Variants in TENM2 observed in about 807,000 individuals in gnomAD.
The protein encoded by TENM2 is teneurin-2.
In TENM2, 52 loss-of-function variants were observed where a neutral mutation model predicts 245.2. That is an observed-to-expected ratio of 0.21 (90% CI 0.17 to 0.27). The LOEUF is 0.27. TENM2 is among the 10% of genes least tolerant of loss of function. The pLI is 1.00. For missense variants in TENM2, 3,046 were observed against 3,666.8 expected (o/e 0.83, Z 4.37); for synonymous variants, 1,363 against 1,438.9 (o/e 0.95, Z 1.19).
At chr5:168,263,045 A>C, downstream of TENM2, 3 of 478,606 alleles carry the variant, frequency 6.3e-6, no homozygotes, top group Admixed American at 3.6e-5. Context: ...AAACAAACGA[A>C]TGAATGAACA....
chr5:168,136,019 G>A lies in TENM2; in HGVS notation c.2422+9053G>A, dbSNP rs555966603. Among the ~76,000 whole-genome samples, 36 of 152,214 alleles carry A rather than the reference G, an allele frequency of 2.4e-4. No individual in the cohort carries two copies. The South Asian group carries it at 2.9e-3, about 12-fold the overall frequency. ...TGGCATTCCTTTCTGTTCTGAGATCGCTGATGATGTGGTTGACTCCCCTTG... is the reference window on the plus strand; with the variant it reads ...TGGCATTCCTTTCTGTTCTGAGATCACTGATGATGTGGTTGACTCCCCTTG... On this transcript the variant is annotated intron_variant, in intron 12 of 28. Transcript: ENST00000518659.
intron 1 of TENM2, among the ~76,000 whole-genome samples, chr5:167,323,888 G>C (rs773469406): frequency 1.3e-5 from 2 of 152,122 alleles, no homozygotes; most frequent in East Asian, 1.9e-4. Flanking sequence ...CCTCCCCAAG[G>C]CTTACTGAAT....
chr5:167,666,597 G>A (rs1181901033), intron 2 of TENM2, among the ~76,000 whole-genome samples: 1 of 152,036 alleles, frequency 6.6e-6, no homozygotes, highest in Non-Finnish European at 1.5e-5. Flanking sequence ...GATCACTCAA[G>A]GACAGTACTT....
chr5:167,500,073 TGTGA>T (rs1325598305), intron 2 of TENM2, among the ~76,000 whole-genome samples: 2 of 151,352 alleles, frequency 1.3e-5, no homozygotes, highest in East Asian at 1.9e-4. Flanking sequence ...TGTGTGTGTG[TGTGA>T]GTGTGTGTGT....
the TENM2 span, among the ~76,000 whole-genome samples, chr5:167,137,688 C>T: frequency 2.0e-5 from 3 of 152,140 alleles, no homozygotes; most frequent in East Asian, 3.9e-4. Flanking sequence ...ATCCCTTTTC[C>T]TTTCTGAATG....
chr5:167,022,850 G>A, the TENM2 span, among the ~76,000 whole-genome samples: 20 of 152,096 alleles, frequency 1.3e-4, no homozygotes, highest in African/African-American at 3.6e-4. Flanking sequence ...GATCCTCACT[G>A]TAATGGCTAC....
intron 3 of TENM2, among the ~76,000 whole-genome samples, chr5:167,891,908 C>T (rs1026496810): frequency 4.6e-5 from 7 of 152,170 alleles, no homozygotes; most frequent in African/African-American, 1.4e-4. Context: ...GCATGAGATC[C>T]TCTTTTCCAG....
the TENM2 span, among the ~76,000 whole-genome samples, chr5:167,118,035 A>G: frequency 6.6e-6 from 1 of 152,108 alleles, no homozygotes; most frequent in East Asian, 1.9e-4. Flanking sequence ...ACTATCCAAT[A>G]TTACTTCTCT....
chr5:167,427,968 A>G (rs1354191242), intron 2 of TENM2, among the ~76,000 whole-genome samples: 1 of 152,176 alleles, frequency 6.6e-6, no homozygotes, highest in Non-Finnish European at 1.5e-5. Flanking sequence ...AAAGAAAGAA[A>G]AAGAGAAAGA....
intron 1 of TENM2, among the ~76,000 whole-genome samples, chr5:167,349,892 A>T (rs1046822657): frequency 6.9e-6 from 1 of 145,778 alleles, no homozygotes; most frequent in African/African-American, 2.8e-5. Context: ...TATATTGAAA[A>T]ATTATAATTT....
intron 12 of TENM2, among the ~76,000 whole-genome samples, chr5:168,152,009 A>G (rs940917189): frequency 1.3e-5 from 2 of 152,212 alleles, no homozygotes; most frequent in African/African-American, 4.8e-5. Context: ...AACAGGAACT[A>G]TAGAGCCATT....
intron 1 of TENM2, among the ~76,000 whole-genome samples, chr5:167,335,065 T>TAAGGA (rs1581771543): frequency 6.6e-6 from 1 of 151,812 alleles, no homozygotes; most frequent in East Asian, 1.9e-4. Flanking sequence ...TGAGATAAAG[T>TAAGGA]AAGGAAAAGA....
chr5:167,530,819 T>G (rs1303947011), intron 2 of TENM2, among the ~76,000 whole-genome samples: 1 of 152,204 alleles, frequency 6.6e-6, no homozygotes, highest in Non-Finnish European at 1.5e-5. Context: ...TTCCCTCAAA[T>G]GTGAGCCCTG....
At chr5:167,303,970 T>A (rs1477618242) in intron 1 of TENM2, among the ~76,000 whole-genome samples, 1 of 152,164 alleles carries the variant, frequency 6.6e-6, no homozygotes, top group Non-Finnish European at 1.5e-5. Context: ...TTATATAAAA[T>A]CCCCAGATTT....
intron 2 of TENM2, among the ~76,000 whole-genome samples, chr5:167,768,780 A>G (rs1438626805): frequency 6.6e-6 from 1 of 152,214 alleles, no homozygotes; most frequent in African/African-American, 2.4e-5. Flanking sequence ...AAGTAAGATA[A>G]TAAATGTAAA....
intron 3 of TENM2, among the ~76,000 whole-genome samples, chr5:167,884,109 A>G (rs1350333212): frequency 6.6e-6 from 1 of 152,240 alleles, no homozygotes; most frequent in Non-Finnish European, 1.5e-5. Flanking sequence ...AAGTGTCTAC[A>G]AGTCCTAAAG....
At chr5:168,217,969 G>A (rs1238764578) in intron 22 of TENM2, among the ~76,000 whole-genome samples, 156 bp from the exon 25 acceptor site, 3 of 151,978 alleles carry the variant, frequency 2.0e-5, no homozygotes, top group Admixed American at 2.0e-4. Flanking sequence ...CTCATCATGG[G>A]CAATGAGCAG....
rs1772182103 is a variant in TENM2 at position 167,541,112 on chromosome 5, T to A, written c.502+165639T>A. On this transcript the variant is annotated intron_variant, in intron 2 of 28. Transcript: ENST00000518659. ...TCTCACTAGAGATTTGTGCTTCTAA[T>A]ATTATAGGACTTTGTCCCCATCTTG... Among the ~76,000 whole-genome samples the A allele has an allele frequency of 2.6e-5, 4 of 152,190 alleles. No individual in the cohort carries two copies. In the South Asian group the frequency reaches 8.3e-4, roughly 31 times the overall value.
intron 3 of TENM2, among the ~76,000 whole-genome samples, chr5:167,877,225 C>T (rs1421987): frequency 0.44 from 66,342 of 152,006 alleles, 16,775 homozygotes; most frequent in Non-Finnish European, 0.56. Context: ...TAGGCTCCAT[C>T]CAGGAGTATA....
Sources: allele counts gnomAD v4.1 joint callset (sites outside exome capture counted in the v4.1 genomes callset), GRCh38; gene constraint gnomAD v4.1.1; transcripts MANE v1.5; gene names NCBI Gene and HGNC (gene_info 2026-07-23, HGNC 2026-07-21).